CEP170: variants seen among roughly 807,000 people sequenced by gnomAD.
CEP170 encodes centrosomal protein 170.
CEP170 carries 21 observed loss-of-function variants against 151.9 expected under a neutral mutation model. The ratio of observed to expected loss-of-function variants is 0.14; its 90% confidence interval spans 0.10 to 0.20. CEP170 has a LOEUF of 0.20. Ranked by LOEUF, CEP170 falls within the 10% of genes least tolerant of loss-of-function variation. The pLI, the probability that CEP170 is intolerant of heterozygous loss-of-function variation, is 1.00. For missense variants in CEP170, 964 were observed against 1,892.9 expected, an observed-to-expected ratio of 0.51 and a Z score of 9.11; for synonymous variants, 356 against 648.8, an observed-to-expected ratio of 0.55 and a Z score of 6.86.
intron 1 of CEP170, among the ~76,000 whole-genome samples, chr1:243,250,159 A>C (rs2149197849): frequency 6.6e-6 from 1 of 152,302 alleles, no homozygotes; most frequent in South Asian, 2.1e-4. Flanking sequence ...TTTTTGTGTC[A>C]CCTTTCCTCC....
chr1:243,197,717 G>A (rs531998237), intron 7 of CEP170, among the ~76,000 whole-genome samples: 3 of 152,162 alleles, frequency 2.0e-5, no homozygotes, highest in African/African-American at 4.8e-5. Context: ...AGCTGATGAC[G>A]ACATTGTTGA....
chr1:243,186,518 C>G (rs1158271713), intron 8 of CEP170, 96 bp from the exon 9 acceptor site: 1 of 1,316,812 alleles, frequency 7.6e-7, no homozygotes, highest in Non-Finnish European at 1.0e-6. Context: ...TGCTCCCCTC[C>G]TCCTTTTCAA....
At chr1:243,201,302 C>A (rs1489879878) in intron 4 of CEP170, among the ~76,000 whole-genome samples, 1 of 151,958 alleles carries the variant, frequency 6.6e-6, no homozygotes, top group Non-Finnish European at 1.5e-5. Flanking sequence ...TTTGCAAGTG[C>A]AAAAGAAATG....
At chr1:243,164,247 A>T in intron 13 of CEP170, 37 bp downstream of exon 13, 1 of 1,390,396 alleles carries the variant, frequency 7.2e-7, no homozygotes. Context: ...CAAATATACA[A>T]CATGCTAATG....
At chr1:243,190,730 A>G (rs2789140) in intron 8 of CEP170, among the ~76,000 whole-genome samples, 145,561 of 152,106 alleles carry the variant, frequency 0.96, 69,998 homozygotes, top group East Asian at 1. Context: ...CTCTACTGGT[A>G]AACTTAATAA....
intron 3 of CEP170, among the ~76,000 whole-genome samples, chr1:243,212,700 C>CTT (rs1313064256): frequency 6.6e-6 from 1 of 151,380 alleles, no homozygotes; most frequent in African/African-American, 2.4e-5. Flanking sequence ...CTCTCTCTCT[C>CTT]TCTTTCTTTC....
intron 7 of CEP170, among the ~76,000 whole-genome samples, chr1:243,196,161 T>C (rs1465894108): frequency 6.6e-6 from 1 of 152,088 alleles, no homozygotes; most frequent in Non-Finnish European, 1.5e-5. Context: ...TTTGGAGTAT[T>C]TGTTTAAATC....
intron 14 of CEP170, among the ~76,000 whole-genome samples, chr1:243,151,824 G>C (rs2057108370): frequency 6.6e-6 from 1 of 152,220 alleles, no homozygotes. Flanking sequence ...CAGAGCCAGA[G>C]AGAAGGCAAT....
At chr1:243,140,129 T>C (rs2055653840) in intron 15 of CEP170, 22 bp from the exon 16 acceptor site, 1 of 1,605,904 alleles carries the variant, frequency 6.2e-7, no homozygotes, top group Non-Finnish European at 8.5e-7. Context: ...AAAGCAAACC[T>C]TTATGAGAAC....
chr1:243,172,324 T>C (rs1018730413), intron 11 of CEP170, among the ~76,000 whole-genome samples: 5 of 152,230 alleles, frequency 3.3e-5, no homozygotes, highest in African/African-American at 1.2e-4. Flanking sequence ...TTGCTTAAAA[T>C]AATGTAATTT....
At position 243,215,329 on chromosome 1, in the gene CEP170, T is replaced by C. The variant is rs529836670; in HGVS notation, c.196-3365A>G. ...GAACAAGGGAGATAACCATTAGGTCTGGCTGCCTGAGAGCCAGGCAGAACA... is the reference window on the plus strand; with the variant it reads ...GAACAAGGGAGATAACCATTAGGTCCGGCTGCCTGAGAGCCAGGCAGAACA... On this transcript the variant is annotated intron_variant, in intron 3 of 19. Transcript: ENST00000366542. Among the ~76,000 whole-genome samples, 7 of 152,306 alleles carry C rather than the reference T, an allele frequency of 4.6e-5. No homozygotes were observed. In the East Asian group the frequency reaches 1.4e-3, roughly 29 times the overall value.
intron 4 of CEP170, among the ~76,000 whole-genome samples, chr1:243,207,379 T>C (rs2061493450): frequency 6.6e-6 from 1 of 152,110 alleles, no homozygotes; most frequent in Non-Finnish European, 1.5e-5. Flanking sequence ...ATAAAAGAGC[T>C]GCAAATGACA....
chr1:243,146,345 G>A (rs1351044927), intron 14 of CEP170, among the ~76,000 whole-genome samples: 2 of 152,140 alleles, frequency 1.3e-5, no homozygotes, highest in Non-Finnish European at 2.9e-5. Flanking sequence ...GAAGAACGCA[G>A]AAGAGATTAG....
chr1:243,130,670 T>C (rs1333842503), intron 17 of CEP170, among the ~76,000 whole-genome samples: 2 of 151,914 alleles, frequency 1.3e-5, no homozygotes, highest in Non-Finnish European at 2.9e-5. Flanking sequence ...CTGATCAGCA[T>C]TTAAGTAGTA....
At chr1:243,250,676 A>G (rs746209971) in intron 1 of CEP170, among the ~76,000 whole-genome samples, 5 of 152,246 alleles carry the variant, frequency 3.3e-5, no homozygotes, top group Non-Finnish European at 5.9e-5. Flanking sequence ...AATAAAGGCC[A>G]TTTATGAACA....
At chr1:243,176,114 T>C (rs1447181452) in intron 10 of CEP170, among the ~76,000 whole-genome samples, 1 of 151,980 alleles carries the variant, frequency 6.6e-6, no homozygotes, top group Non-Finnish European at 1.5e-5. Context: ...ATTTCCAACA[T>C]AGTATCTCAC....
intron 6 of CEP170, 85 bp from the exon 7 acceptor site, chr1:243,199,279 ATTAAT>A (rs2060867084): frequency 7.1e-7 from 1 of 1,403,372 alleles, no homozygotes; most frequent in East Asian, 2.4e-5. Flanking sequence ...TGCCTGCTTG[ATTAAT>A]TAAATTAAAA....
intron 13 of CEP170, among the ~76,000 whole-genome samples, chr1:243,159,803 T>TGTGTGTGTGTGTG (rs1558452605): frequency 2.9e-4 from 15 of 51,812 alleles, no homozygotes; most frequent in African/African-American, 1.3e-3. Context: ...GTGTGTGTGT[T>TGTGTGTGTGTGTG]TTTGAGATGG....
intron 8 of CEP170, among the ~76,000 whole-genome samples, chr1:243,189,372 C>T (rs367987525): frequency 1.1e-4 from 17 of 151,842 alleles, no homozygotes; most frequent in East Asian, 7.8e-4. Flanking sequence ...CTGGCTAACA[C>T]GGTGAAACCC....
Sources: gnomAD v4.1 joint callset for allele counts (sites outside exome capture counted in the v4.1 genomes callset) on GRCh38, gnomAD v4.1.1 for gene constraint, MANE v1.5 for transcripts, NCBI Gene and HGNC (gene_info 2026-07-23, HGNC 2026-07-21) for gene names.